Variants in LARP4 observed in about 807,000 individuals in gnomAD.
LARP4 encodes la-related protein 4.
LARP4 carries 29 observed loss-of-function variants against 92.9 expected under a neutral mutation model. The ratio of observed to expected loss-of-function variants is 0.31; its 90% confidence interval spans 0.23 to 0.43. LARP4 has a LOEUF of 0.43. Among genes scored for constraint, LARP4 ranks in the 20% least tolerant of loss-of-function variants. The pLI, the probability that LARP4 is intolerant of heterozygous loss-of-function variation, is 1.00. For missense variants in LARP4, 732 were observed against 860.0 expected, an observed-to-expected ratio of 0.85 and a Z score of 1.86; for synonymous variants, 279 against 284.1, an observed-to-expected ratio of 0.98 and a Z score of 0.18.
intron 12 of LARP4, 57 bp from the exon 13 acceptor site, chr12:50,466,902 C>CA: frequency 1.3e-6 from 2 of 1,497,670 alleles, no homozygotes; most frequent in Non-Finnish European, 1.8e-6. Flanking sequence ...GCTTCTGTGA[C>CA]ACAGGATTAG....
rs1181198826 is a variant in LARP4 at position 50,461,209 on chromosome 12, A to G, written c.1196A>G (p.Gln399Arg). 9 of 1,614,024 alleles carry G rather than the reference A, an allele frequency of 5.6e-6. No individual in the cohort carries two copies. The highest frequency in any genetic ancestry group is 1.3e-5 in the African/African-American group (1 of 74,912). ...TEGSVSLGDGQLNRYSSRNFP... is the reference protein window; with the variant it reads ...TEGSVSLGDGRLNRYSSRNFP... ...GGCTCTGTATCCTTGGGGGATGGAC[A>G]GTTGAACAGATATAGTTCAAGAAAC... The change falls in exon 11 of 16, where the codon CAG (glutamine) becomes CGG (arginine). Residue 399 changes from glutamine to arginine, a missense_variant. Transcript: ENST00000398473.
chr12:50,448,897 T>A (rs781323729), intron 8 of LARP4, among the ~76,000 whole-genome samples: 2 of 152,242 alleles, frequency 1.3e-5, no homozygotes, highest in Non-Finnish European at 2.9e-5. Flanking sequence ...TTGAACATTA[T>A]CAAGTACCTA....
In LARP4 at chr12:50,466,491, C is replaced by T. The variant is rs975807790; in HGVS notation, c.1384-468C>T. On this transcript the variant is annotated intron_variant, in intron 12 of 15. Transcript: ENST00000398473. The stretch of plus-strand genomic sequence containing the variant: ...AAAAATTTAGCCAGGTGTGGTGGCG[C>T]GCACAGCTACTCTGGAGGCAAAAAA... Among the ~76,000 whole-genome samples the T allele has an allele frequency of 1.5e-4, 23 of 151,910 alleles. No individual in the cohort carries two copies. The East Asian group carries it at 2.1e-3, about 14-fold the overall frequency.
At chr12:50,460,613 T>C (rs114141336) in intron 10 of LARP4, among the ~76,000 whole-genome samples, 1,986 of 152,146 alleles carry the variant, frequency 0.013, 46 homozygotes, top group African/African-American at 0.044. Context: ...CGTGAGCCAC[T>C]GTGTCCAGCC....
At chr12:50,416,936 G>A (rs1278704947) in intron 1 of LARP4, among the ~76,000 whole-genome samples, 1 of 152,108 alleles carries the variant, frequency 6.6e-6, no homozygotes, top group East Asian at 1.9e-4. Context: ...CTGCACTCCA[G>A]CCTGGGCAAA....
At chr12:50,447,140 C>A (rs574982997) in intron 8 of LARP4, among the ~76,000 whole-genome samples, 2 of 152,136 alleles carry the variant, frequency 1.3e-5, no homozygotes, top group Non-Finnish European at 2.9e-5. Context: ...GCTCCAAAAT[C>A]GAAAAGTTTT....
At chr12:50,456,033 C>G (rs1365938603) in intron 10 of LARP4, among the ~76,000 whole-genome samples, 2 of 152,060 alleles carry the variant, frequency 1.3e-5, no homozygotes, top group Non-Finnish European at 2.9e-5. Context: ...GCCTGGGTGA[C>G]GGTGAGACTC....
chr12:50,411,709 C>G (rs1283411942), intron 1 of LARP4, among the ~76,000 whole-genome samples: 1 of 149,048 alleles, frequency 6.7e-6, no homozygotes, highest in East Asian at 2.0e-4. Flanking sequence ...GAGATGGAGT[C>G]TCGCTCTGTT....
chr12:50,462,899 A>G (rs755890353), intron 12 of LARP4, among the ~76,000 whole-genome samples: 1 of 152,184 alleles, frequency 6.6e-6, no homozygotes, highest in African/African-American at 2.4e-5. Flanking sequence ...TTAAATAAAA[A>G]CACGAAGTCT....
chr12:50,476,631 T>G lies in LARP4; in HGVS notation c.*767T>G, dbSNP rs1957551723. On this transcript the variant is annotated 3_prime_UTR_variant, in exon 16 of 16. Coordinates refer to ENST00000398473, the MANE Select transcript of LARP4 (RefSeq NM_052879.5). Reference sequence around the variant, plus strand: ...ATTCAAGAAATTGAAAATTTCATCTTGGACCTCAGTGCATAGGTCAAATGG... The same window carrying G: ...ATTCAAGAAATTGAAAATTTCATCTGGGACCTCAGTGCATAGGTCAAATGG... 2 of 152,636 alleles carry G rather than the reference T, an allele frequency of 1.3e-5. No individual in the cohort carries two copies. The highest frequency in any genetic ancestry group is 4.1e-4 in the South Asian group (2 of 4,832). The allele number at this position is 152,636 out of a possible 1,614,324, so 9.5% of individuals were successfully genotyped here.
chr12:50,447,623 C>A (rs1194301934), intron 8 of LARP4, among the ~76,000 whole-genome samples: 1 of 152,080 alleles, frequency 6.6e-6, no homozygotes, highest in African/African-American at 2.4e-5. Flanking sequence ...GTTGCGCAGG[C>A]TGGAGTACAG....
intron 4 of LARP4, among the ~76,000 whole-genome samples, chr12:50,430,773 G>A (rs906131333): frequency 6.6e-6 from 1 of 151,972 alleles, no homozygotes; most frequent in African/African-American, 2.4e-5. Context: ...AGATTCTTGT[G>A]CCTCAGCCTC....
At chr12:50,466,539 A>G (rs532170040) in intron 12 of LARP4, among the ~76,000 whole-genome samples, 11 of 152,288 alleles carry the variant, frequency 7.2e-5, no homozygotes, top group African/African-American at 2.6e-4. Context: ...ACTTGAGTCC[A>G]GGAAGTCAAG....
chr12:50,441,409 A>G (rs954343100), intron 7 of LARP4, 181 bp from the exon 8 acceptor site: 1 of 449,854 alleles, frequency 2.2e-6, no homozygotes. Flanking sequence ...TCTACAATAA[A>G]TATGAACTGT....
rs558039788 is a variant in LARP4 at position 50,463,470 on chromosome 12, C to T, written c.1383+840C>T. On this transcript the variant is annotated intron_variant, in intron 12 of 15. Transcript: ENST00000398473. ...AAAATTAGCCAGGCACCATGGTGCA[C>T]GCCTGTTGTCCCAGCTACTTGGGAG... is the stretch of plus-strand genomic sequence containing the variant. Among the ~76,000 whole-genome samples the T allele has an allele frequency of 6.0e-5, 9 of 150,068 alleles. No individual in the cohort carries two copies. The East Asian group carries it at 1.2e-3, about 20-fold the overall frequency.
At chr12:50,429,185 T>A (rs1432078153) in intron 3 of LARP4, 95 bp downstream of exon 3, 1 of 814,928 alleles carries the variant, frequency 1.2e-6, no homozygotes, top group African/African-American at 1.8e-5. Context: ...ACCTATGGCA[T>A]TATTTTCTTA....
chr12:50,430,473 C>A, intron 3 of LARP4, 22 bp from the exon 4 acceptor site: 2 of 1,454,128 alleles, frequency 1.4e-6, no homozygotes, highest in South Asian at 1.2e-5. Flanking sequence ...AACTTTTTTT[C>A]CCTCTTCTTT....
At position 50,461,330 on chromosome 12, in the gene LARP4, G is replaced by A. The variant is rs760401057; in HGVS notation, c.1317G>A (p.Gly439=). ...ETSTLQVEQN[G]DYGRGRRTLF... is the part of the protein sequence containing the mutation. ...CCACTTTGCAGGTGGAACAGAATGG[G>A]GACTATGGTAGGGGCAGGTAAGAAA... Residue 439 remains glycine (G), a synonymous_variant, in exon 11 of 16, where the codon GGG becomes GGA. Transcript: ENST00000398473. 2 of 1,613,724 alleles carry A rather than the reference G, an allele frequency of 1.2e-6. No individual in the cohort carries two copies. The highest frequency in any genetic ancestry group is 1.7e-5 in the Admixed American group (1 of 59,944).
intron 13 of LARP4, among the ~76,000 whole-genome samples, chr12:50,468,933 A>G (rs1420823826): frequency 2.0e-5 from 3 of 151,662 alleles, no homozygotes; most frequent in African/African-American, 7.3e-5. Flanking sequence ...TCGGTGTCCT[A>G]CTGCCTAGCT....
Sources: allele counts gnomAD v4.1 joint callset (sites outside exome capture counted in the v4.1 genomes callset), GRCh38; gene constraint gnomAD v4.1.1; transcripts MANE v1.5; gene names NCBI Gene and HGNC (gene_info 2026-07-23, HGNC 2026-07-21).